GRM5: variants seen among roughly 807,000 people sequenced by gnomAD.
GRM5 encodes the protein metabotropic glutamate receptor 5.
GRM5 carries 19 observed loss-of-function variants against 83.1 expected under a neutral mutation model. The ratio of observed to expected loss-of-function variants is 0.23; its 90% CI spans 0.16 to 0.34. The LOEUF (loss-of-function observed/expected upper bound fraction) is 0.34, where lower values mean the gene tolerates loss of function less well. GRM5 is among the 10% of genes least tolerant of loss of function. GRM5 has a pLI of 1.00. For missense variants in GRM5, 1,160 were observed against 1,588.3 expected (o/e 0.73, Z 4.58); for synonymous variants, 675 against 633.6 (o/e 1.07, Z -0.98).
At chr11:88,993,780 G>A (rs1006129985) in intron 2 of GRM5, among the ~76,000 whole-genome samples, 3 of 152,140 alleles carry the variant, frequency 2.0e-5, no homozygotes, top group Non-Finnish European at 4.4e-5. Flanking sequence ...GGAGTGCAGT[G>A]ATGTAATCAT....
At chr11:88,782,653 GT>G (rs1293821031) in intron 3 of GRM5, among the ~76,000 whole-genome samples, 20 of 152,180 alleles carry the variant, frequency 1.3e-4, no homozygotes, top group African/African-American at 4.8e-4. Context: ...GATTGTCCCT[GT>G]TATAAATGAA....
At chr11:88,814,560 G>T (rs12272699) in intron 3 of GRM5, among the ~76,000 whole-genome samples, 3,887 of 152,228 alleles carry the variant, frequency 0.026, 176 homozygotes, top group African/African-American at 0.089. Context: ...CTCTGCAGTG[G>T]AGAATATTTC....
intron 2 of GRM5, among the ~76,000 whole-genome samples, chr11:88,904,093 T>C (rs1012209102): frequency 6.6e-6 from 1 of 152,134 alleles, no homozygotes; most frequent in South Asian, 2.1e-4. Context: ...AGCCAACTGA[T>C]GAAGAGGATG....
chr11:88,952,600 G>A (rs1938498359), intron 2 of GRM5, among the ~76,000 whole-genome samples: 1 of 145,698 alleles, frequency 6.9e-6, no homozygotes, highest in Non-Finnish European at 1.5e-5. Context: ...TCCATAGTAA[G>A]TTAAAAAGGT....
At chr11:88,529,247 A>G (rs1487119609) in intron 8 of GRM5, among the ~76,000 whole-genome samples, 1 of 151,906 alleles carries the variant, frequency 6.6e-6, no homozygotes, top group East Asian at 1.9e-4. Flanking sequence ...TGATAAGGTC[A>G]CAGTCTTGAA....
rs374028045 is a variant in GRM5, at chr11:88,674,024, G to C, written c.912-20621C>G. On this transcript the variant is annotated intron_variant, in intron 3 of 9. Coordinates refer to ENST00000305447, the MANE Select transcript of GRM5 (RefSeq NM_001143831.3). ...AGAAGCACTGAGAGGATTCAAACAA[G>C]TACGAGGGAAGAATCAACACATCTC... Among the ~76,000 whole-genome samples, 20 of 151,974 alleles carry C rather than the reference G, an allele frequency of 1.3e-4. No homozygotes were observed. In the East Asian group the frequency reaches 2.1e-3, roughly 16 times the overall value.
rs5793347 is a variant in GRM5, at chr11:88,720,313, G to GTGTTTGTT, written c.912-66911_912-66910insAACAAACA. On this transcript the variant is annotated intron_variant, in intron 3 of 9. Coordinates refer to ENST00000305447, the MANE Select transcript of GRM5 (RefSeq NM_001143831.3). ...CACTGGAAAAAGCTTTGAGGGGAAAGTGTTTATACCTATGACTGAGTGCAG... is the reference window on the plus strand; with the variant it reads ...CACTGGAAAAAGCTTTGAGGGGAAAGTGTTTGTTTGTTTATACCTATGACTGAGTGCAG... 4.0e-5 allele frequency among the ~76,000 whole-genome samples: 6 copies of GTGTTTGTT among 151,620 alleles called. 1 individual carries two copies. In the South Asian group the frequency reaches 8.3e-4, roughly 21 times the overall value.
At chr11:88,670,548 A>AG in intron 3 of GRM5, among the ~76,000 whole-genome samples, 1 of 2,584 alleles carries the variant, frequency 3.9e-4, no homozygotes. Context: ...CTAGATAGGC[A>AG]AAAAGTCTGA....
intron 1 of GRM5, among the ~76,000 whole-genome samples, chr11:89,048,427 A>C (rs577871793): frequency 4.6e-5 from 7 of 152,320 alleles, no homozygotes; most frequent in African/African-American, 1.7e-4. Flanking sequence ...AGAAGTATGC[A>C]CCCCAGAATA....
intron 2 of GRM5, among the ~76,000 whole-genome samples, chr11:88,907,969 A>G (rs1242896535): frequency 6.6e-6 from 1 of 152,152 alleles, no homozygotes; most frequent in Non-Finnish European, 1.5e-5. Flanking sequence ...CATGATTAGA[A>G]AAAATATTAT....
intron 3 of GRM5, among the ~76,000 whole-genome samples, chr11:88,833,660 T>C (rs1944039237): frequency 6.6e-6 from 1 of 152,134 alleles, no homozygotes; most frequent in African/African-American, 2.4e-5. Context: ...AAAGAGACAT[T>C]TGCACCTCCA....
chr11:88,913,645 G>A (rs1190041688), intron 2 of GRM5, among the ~76,000 whole-genome samples: 1 of 148,368 alleles, frequency 6.7e-6, no homozygotes, highest in Non-Finnish European at 1.5e-5. Context: ...GGAGTGCAGT[G>A]GCACAGTCTC....
intron 3 of GRM5, among the ~76,000 whole-genome samples, chr11:88,726,691 C>G (rs943800795): frequency 8.5e-5 from 13 of 152,178 alleles, no homozygotes; most frequent in Non-Finnish European, 1.8e-4. Flanking sequence ...CAGTGGATCT[C>G]TTGGCAGAAA....
chr11:88,701,243 T>C (rs1280353908), intron 3 of GRM5, among the ~76,000 whole-genome samples: 3 of 152,138 alleles, frequency 2.0e-5, no homozygotes, highest in Non-Finnish European at 2.9e-5. Flanking sequence ...GTTTTTACCA[T>C]GACAGGGAAG....
At chr11:88,954,024 G>T (rs1268747592) in intron 2 of GRM5, among the ~76,000 whole-genome samples, 1 of 152,126 alleles carries the variant, frequency 6.6e-6, no homozygotes, top group Non-Finnish European at 1.5e-5. Context: ...TTCATAAATG[G>T]TGTAGATAAA....
chr11:88,851,335 T>C (rs1434612570), intron 2 of GRM5, among the ~76,000 whole-genome samples: 2 of 152,086 alleles, frequency 1.3e-5, no homozygotes, highest in Admixed American at 6.6e-5. Context: ...GTAGAACATA[T>C]AAGGATGTGA....
intron 2 of GRM5, among the ~76,000 whole-genome samples, chr11:89,014,722 G>T (rs1231497721): frequency 6.6e-6 from 1 of 152,106 alleles, no homozygotes; most frequent in Non-Finnish European, 1.5e-5. Flanking sequence ...TGATGGAATG[G>T]ATACCCCATT....
chr11:88,534,006 G>A (rs374696583), intron 8 of GRM5, among the ~76,000 whole-genome samples: 1 of 152,188 alleles, frequency 6.6e-6, no homozygotes, highest in Admixed American at 6.5e-5. Context: ...ATGTGGTGTT[G>A]AGCCTGTGGG....
intron 3 of GRM5, among the ~76,000 whole-genome samples, chr11:88,790,673 C>T (rs1308718055): frequency 2.0e-5 from 3 of 152,044 alleles, no homozygotes; most frequent in Non-Finnish European, 4.4e-5. Context: ...AGAGAAAAAG[C>T]ATGAAGTACA....
Sources: allele counts gnomAD v4.1 joint callset (sites outside exome capture counted in the v4.1 genomes callset), GRCh38; gene constraint gnomAD v4.1.1; transcripts MANE v1.5; gene names NCBI Gene and HGNC (gene_info 2026-07-23, HGNC 2026-07-21).